Variants in KIAA1549L observed in about 807,000 individuals in gnomAD.
KIAA1549L encodes the protein KIAA1549 like.
A neutral mutation model predicts 160.7 loss-of-function variants in KIAA1549L; 88 were observed. That is an observed-to-expected ratio of 0.55 (90% CI 0.46 to 0.65). The LOEUF is 0.65. Ranked by LOEUF, KIAA1549L falls within the 30% of genes least tolerant of loss-of-function variation. The probability of loss-of-function intolerance (pLI) is 0.00; values close to 1 mark genes in which losing one functional copy is unlikely to be tolerated. For synonymous variants in KIAA1549L, 950 were observed against 976.7 expected (o/e 0.97, Z 0.51); for missense variants, 2,258 against 2,437.5 (o/e 0.93, Z 1.55).
chr11:33,670,986 G>T lies in KIAA1549L; in HGVS notation c.*2832G>T, dbSNP rs977014594. 1 of 151,938 alleles carries T rather than the reference G, an allele frequency of 6.6e-6. No homozygotes were observed. The highest frequency in any genetic ancestry group is 1.5e-5 in the Non-Finnish European group (1 of 67,994). 9.4% of individuals were successfully genotyped at this position (151,938 alleles called of 1,614,324 possible). ...CACATTTCTTTAGCTGTGCCTAGAG[G>T]TTTAAAAAAAAGATAAGGGTCATAT... On this transcript the variant is annotated 3_prime_UTR_variant, in exon 21 of 21. Coordinates refer to ENST00000658780, the MANE Select transcript of KIAA1549L (RefSeq NM_012194.3).
At chr11:33,529,899 G>A (rs1853698933) in intron 1 of KIAA1549L, among the ~76,000 whole-genome samples, 1 of 152,182 alleles carries the variant, frequency 6.6e-6, no homozygotes, top group Non-Finnish European at 1.5e-5. Flanking sequence ...TCACTTAGAA[G>A]AGGTTTACAT....
At chr11:33,629,697 T>G (rs574768738) in intron 16 of KIAA1549L, among the ~76,000 whole-genome samples, 1 of 151,282 alleles carries the variant, frequency 6.6e-6, no homozygotes, top group Admixed American at 6.6e-5. Context: ...TTCTAAATTT[T>G]TTTCAAAGTT....
chr11:33,662,704 AC>A (rs1238096734), intron 20 of KIAA1549L, among the ~76,000 whole-genome samples: 4 of 152,210 alleles, frequency 2.6e-5, no homozygotes. Context: ...AACCCTGGGC[AC>A]CAACTGGAGT....
chr11:33,666,453 C>T (rs932966519), intron 20 of KIAA1549L, among the ~76,000 whole-genome samples: 1 of 152,216 alleles, frequency 6.6e-6, no homozygotes, highest in African/African-American at 2.4e-5. Flanking sequence ...TGTTCAACTT[C>T]CAAACTCATC....
At chr11:33,530,482 T>C (rs1223569349) in intron 1 of KIAA1549L, among the ~76,000 whole-genome samples, 2 of 121,074 alleles carry the variant, frequency 1.7e-5, no homozygotes, top group Non-Finnish European at 1.7e-5. Flanking sequence ...TATATATATA[T>C]ATGCAAGATT....
intron 1 of KIAA1549L, among the ~76,000 whole-genome samples, chr11:33,380,741 T>G (rs2044772100): frequency 6.6e-6 from 1 of 152,098 alleles, no homozygotes; most frequent in Non-Finnish European, 1.5e-5. Context: ...ATTGGGCGCA[T>G]ATGTATTTAG....
intron 10 of KIAA1549L, among the ~76,000 whole-genome samples, chr11:33,580,098 T>G (rs1284952007): frequency 3.9e-5 from 6 of 152,048 alleles, no homozygotes; most frequent in Non-Finnish European, 8.8e-5. Context: ...CACCTCTGGG[T>G]GACAAGGCAG....
At chr11:33,550,978 A>G in intron 4 of KIAA1549L, 62 bp from the exon 5 acceptor site, 7 of 1,361,868 alleles carry the variant, frequency 5.1e-6, no homozygotes, top group South Asian at 1.2e-5. Context: ...AAGAAATACC[A>G]GGAAGAACTT....
At chr11:33,483,110 C>G (rs1234054585) in intron 1 of KIAA1549L, among the ~76,000 whole-genome samples, 1 of 152,170 alleles carries the variant, frequency 6.6e-6, no homozygotes, top group East Asian at 1.9e-4. Flanking sequence ...CTCTTTCCCT[C>G]CTCTCCTTCC....
chr11:33,661,582 T>G (rs1031100805), intron 20 of KIAA1549L, among the ~76,000 whole-genome samples: 7 of 152,134 alleles, frequency 4.6e-5, no homozygotes, highest in Non-Finnish European at 1.0e-4. Flanking sequence ...AATGAAGGAT[T>G]AGAAACCCAA....
At chr11:33,634,894 GATCATCCTT>G (rs1197157898) in intron 16 of KIAA1549L, among the ~76,000 whole-genome samples, 9 of 152,136 alleles carry the variant, frequency 5.9e-5, no homozygotes, top group African/African-American at 1.9e-4. Context: ...AGTGATCGTA[GATCATCCTT>G]TGGAAGGGCC....
Position 33,671,169 on chromosome 11 carries a change from T to C in KIAA1549L, c.*3015T>C, listed in dbSNP as rs1852663374. 1 of 152,150 alleles carries C rather than the reference T, an allele frequency of 6.6e-6. No individual in the cohort carries two copies. The highest frequency in any genetic ancestry group is 6.5e-5 in the Admixed American group (1 of 15,276). 9.4% of individuals were successfully genotyped at this position (152,150 alleles called of 1,614,324 possible). Reference sequence around the variant, plus strand: ...CTGCATTCATGAAAAAGAAATGCATTTTGGCTTTTTCCAGAAAGAGTACCA... The same window carrying C: ...CTGCATTCATGAAAAAGAAATGCATCTTGGCTTTTTCCAGAAAGAGTACCA... On this transcript the variant is annotated 3_prime_UTR_variant, in exon 21 of 21. Coordinates refer to ENST00000658780, the MANE Select transcript of KIAA1549L (RefSeq NM_012194.3).
intron 13 of KIAA1549L, 80 bp from the exon 14 acceptor site, chr11:33,606,561 C>A: frequency 7.1e-7 from 1 of 1,404,734 alleles, no homozygotes; most frequent in Non-Finnish European, 9.9e-7. Flanking sequence ...TGTCCTTAGG[C>A]TGTGAGTCTA....
chr11:33,583,456 C>A lies in KIAA1549L; in HGVS notation c.4521C>A (p.Asn1507Lys), dbSNP rs575072624. 6.3e-7 allele frequency: 1 copy of A among 1,585,142 alleles called. No homozygotes were observed. Among genetic ancestry groups the A allele is most frequent in the Non-Finnish European group, 8.6e-7 (1 of 1,165,944 alleles). ...CCGTGCTCTGCAGGAAGAACAAGAA[C>A]GACTTCAAGCCTGACACCATGATAA... is the stretch of plus-strand genomic sequence containing the variant. ...ITAVLCRKNKNDFKPDTMINL... is the reference protein window; with the variant it reads ...ITAVLCRKNKKDFKPDTMINL... The change falls in exon 11 of 21, where the codon AAC becomes AAA. Residue 1507 changes from asparagine (N) to lysine (K), a missense_variant. By Grantham distance (94) the Asn-to-Lys change is moderately conservative. Around this residue, in one of 6 missense-constraint regions of KIAA1549L, gnomAD observed 1,359 missense variants for 1,546.6 expected, o/e 0.88. Coordinates refer to ENST00000658780, the MANE Select transcript of KIAA1549L (RefSeq NM_012194.3).
intron 1 of KIAA1549L, among the ~76,000 whole-genome samples, chr11:33,518,138 C>CAAAAAAAAAAAA (rs560876643): frequency 9.8e-4 from 58 of 59,408 alleles, no homozygotes; most frequent in African/African-American, 2.8e-3. Flanking sequence ...GACTCTGTCT[C>CAAAAAAAAAAAA]AAAAAAAAAA....
chr11:33,437,691 T>A (rs924593430), intron 1 of KIAA1549L, among the ~76,000 whole-genome samples: 1 of 152,186 alleles, frequency 6.6e-6, no homozygotes, highest in African/African-American at 2.4e-5. Context: ...GGGGCCTCCC[T>A]TTACTAGCCT....
chr11:33,612,367 G>A (rs141450105), intron 15 of KIAA1549L, among the ~76,000 whole-genome samples: 1 of 152,350 alleles, frequency 6.6e-6, no homozygotes, highest in East Asian at 1.9e-4. Context: ...CAGGACAAGT[G>A]AAGGAATCAT....
At chr11:33,470,238 T>C (rs1378891173) in intron 1 of KIAA1549L, among the ~76,000 whole-genome samples, 1 of 152,212 alleles carries the variant, frequency 6.6e-6, no homozygotes, top group Non-Finnish European at 1.5e-5. Flanking sequence ...CATGTGGGTA[T>C]CAATTGTCCC....
In KIAA1549L at chr11:33,648,811, G is replaced by A. The variant is rs528065233; in HGVS notation, c.5760+2775G>A. ...CCTTCCTGTTGTTGGGAGACAAGAA[G>A]GGGATTTCAAAAAAGACAACAGGGC... On this transcript the variant is annotated intron_variant, in intron 17 of 20. Coordinates refer to ENST00000658780, the MANE Select transcript of KIAA1549L (RefSeq NM_012194.3). Among the ~76,000 whole-genome samples, 5 of 151,976 alleles carry A rather than the reference G, an allele frequency of 3.3e-5. No homozygotes were observed. In the South Asian group the frequency reaches 6.2e-4, roughly 19 times the overall value.
Sources: allele counts gnomAD v4.1 joint callset (sites outside exome capture counted in the v4.1 genomes callset), GRCh38; gene constraint gnomAD v4.1.1; regional missense constraint gnomAD v4.1.1; transcripts MANE v1.5; gene names NCBI Gene and HGNC (gene_info 2026-07-23, HGNC 2026-07-21).